Variants in NAV3 observed in about 807,000 individuals in gnomAD.
The protein encoded by NAV3 is pore membrane and/or filament interacting like protein 1.
In NAV3, 87 loss-of-function variants were observed where a neutral mutation model predicts 244.7. The ratio of observed to expected loss-of-function variants is 0.36; its 90% CI spans 0.30 to 0.42. The LOEUF is 0.42. NAV3 is among the 20% of genes least tolerant of loss of function. NAV3 has a pLI of 1.00. For synonymous variants in NAV3, 1,126 were observed against 1,042.2 expected (o/e 1.08, Z -1.55); for missense variants, 2,663 against 2,893.3 (o/e 0.92, Z 1.83).
chr12:78,051,444 T>C (rs1882747283), intron 11 of NAV3, among the ~76,000 whole-genome samples: 1 of 152,222 alleles, frequency 6.6e-6, no homozygotes, highest in Non-Finnish European at 1.5e-5. Flanking sequence ...GATTTTGTAG[T>C]TAAGGACGTG....
chr12:77,739,447 CT>C (rs529831873), intron 2 of NAV3, among the ~76,000 whole-genome samples: 313 of 152,164 alleles, frequency 2.1e-3, no homozygotes, highest in Middle Eastern at 0.02. Flanking sequence ...AGATTTATAC[CT>C]TTTTGTTAAT....
intron 30 of NAV3, among the ~76,000 whole-genome samples, chr12:78,182,891 C>T (rs1201132308): frequency 6.6e-6 from 1 of 151,938 alleles, no homozygotes; most frequent in African/African-American, 2.4e-5. Context: ...GAAATCAAAA[C>T]TGCCTTTATG....
At chr12:77,603,589 G>A (rs1716563) in intron 2 of NAV3, among the ~76,000 whole-genome samples, 4 of 151,878 alleles carry the variant, frequency 2.6e-5, no homozygotes, top group African/African-American at 7.3e-5. Flanking sequence ...GTGGAATAAT[G>A]CACCTTGATC....
intron 5 of NAV3, among the ~76,000 whole-genome samples, chr12:77,985,192 TG>T (rs548951540): frequency 7.0e-4 from 106 of 152,346 alleles, no homozygotes; most frequent in Non-Finnish European, 1.1e-3. Context: ...CAGTAACCTC[TG>T]TGGGCTTTAA....
At chr12:78,197,806 A>T (rs1157033901) in intron 35 of NAV3, among the ~76,000 whole-genome samples, 1 of 152,082 alleles carries the variant, frequency 6.6e-6, no homozygotes, top group South Asian at 2.1e-4. Flanking sequence ...TTCTGCAGAC[A>T]TGATGAACAT....
At chr12:77,702,215 C>G (rs1037931710) in intron 2 of NAV3, among the ~76,000 whole-genome samples, 8 of 152,012 alleles carry the variant, frequency 5.3e-5, no homozygotes, top group African/African-American at 1.9e-4. Context: ...AAAGGTCCTT[C>G]CTTATCTCTT....
intron 2 of NAV3, among the ~76,000 whole-genome samples, chr12:77,741,546 A>T (rs1156962367): frequency 6.6e-6 from 1 of 152,040 alleles, no homozygotes; most frequent in African/African-American, 2.4e-5. Context: ...CTATGCCCCT[A>T]CTTCCTTATT....
At chr12:78,185,792 C>T in intron 31 of NAV3, 94 bp downstream of exon 31, 1 of 1,047,988 alleles carries the variant, frequency 9.5e-7, no homozygotes, top group Non-Finnish European at 1.4e-6. Flanking sequence ...TGGTAAATAT[C>T]CTACAACAAT....
At chr12:77,902,133 T>G (rs1162961200) in intron 1 of NAV3, among the ~76,000 whole-genome samples, 1 of 152,206 alleles carries the variant, frequency 6.6e-6, no homozygotes, top group Non-Finnish European at 1.5e-5. Flanking sequence ...AAACTTTAGT[T>G]GTCGAGTTAT....
At chr12:78,174,333 A>G (rs971211148) in intron 24 of NAV3, among the ~76,000 whole-genome samples, 3 of 151,882 alleles carry the variant, frequency 2.0e-5, no homozygotes, top group African/African-American at 7.2e-5. Context: ...TATTCTCTTC[A>G]AAATATCTTA....
At chr12:77,776,029 A>C (rs1870337061) in intron 2 of NAV3, among the ~76,000 whole-genome samples, 1 of 152,204 alleles carries the variant, frequency 6.6e-6, no homozygotes, top group South Asian at 2.1e-4. Context: ...CAAGGATTCT[A>C]GCCCCTATCT....
At chr12:78,100,714 T>C (rs937933390) in intron 12 of NAV3, among the ~76,000 whole-genome samples, 30 of 152,198 alleles carry the variant, frequency 2.0e-4, no homozygotes, top group African/African-American at 7.2e-4. Flanking sequence ...ATAAAATCCT[T>C]TAAGGGCTTC....
At chr12:77,835,984 A>T (rs1422468585) in intron 1 of NAV3, among the ~76,000 whole-genome samples, 1 of 152,148 alleles carries the variant, frequency 6.6e-6, no homozygotes, top group Non-Finnish European at 1.5e-5. Context: ...TGTCATATGC[A>T]GTTGGAAAAT....
At chr12:77,594,567 C>T (rs1026593243) in intron 2 of NAV3, among the ~76,000 whole-genome samples, 5 of 152,090 alleles carry the variant, frequency 3.3e-5, no homozygotes, top group African/African-American at 7.2e-5. Context: ...CATTAACATG[C>T]CAGATTAGGG....
At chr12:77,747,670 T>A (rs1247434943) in intron 2 of NAV3, among the ~76,000 whole-genome samples, 1 of 152,222 alleles carries the variant, frequency 6.6e-6, no homozygotes, top group South Asian at 2.1e-4. Context: ...TAAGGAAATG[T>A]GGCACATATA....
intron 8 of NAV3, among the ~76,000 whole-genome samples, chr12:78,016,658 G>A (rs1876267950): frequency 6.6e-6 from 1 of 152,032 alleles, no homozygotes; most frequent in South Asian, 2.1e-4. Context: ...TTATAAACAG[G>A]AATTACAATA....
intron 2 of NAV3, among the ~76,000 whole-genome samples, chr12:77,789,564 C>A (rs1871078296): frequency 6.6e-6 from 1 of 150,500 alleles, no homozygotes; most frequent in South Asian, 2.1e-4. Flanking sequence ...ATCCCAGCAA[C>A]TTTGGGAGGC....
chr12:78,035,280 C>T (rs1879662667), intron 9 of NAV3, among the ~76,000 whole-genome samples: 4 of 152,074 alleles, frequency 2.6e-5, no homozygotes, highest in Admixed American at 2.6e-4. Context: ...GCATATTTCT[C>T]CATTTTCCCT....
intron 2 of NAV3, among the ~76,000 whole-genome samples, chr12:77,582,878 AT>A (rs1274181595): frequency 3.3e-5 from 5 of 152,204 alleles, no homozygotes; most frequent in Admixed American, 2.6e-4. Flanking sequence ...TATCCACACC[AT>A]TTTTGAGGAA....
Sources: gnomAD v4.1 joint callset for allele counts (sites outside exome capture counted in the v4.1 genomes callset) on GRCh38, gnomAD v4.1.1 for gene constraint, MANE v1.5 for transcripts, NCBI Gene and HGNC (gene_info 2026-07-23, HGNC 2026-07-21) for gene names.